Variants in SCUBE3 observed in about 807,000 individuals in gnomAD.
The protein encoded by SCUBE3 is signal peptide, CUB and EGF-like domain-containing protein 3.
A neutral mutation model predicts 116.8 loss-of-function variants in SCUBE3; 33 were observed. That is an observed-to-expected ratio of 0.28 (90% CI 0.21 to 0.38). SCUBE3 has a LOEUF of 0.38. SCUBE3 is among the 10% of genes least tolerant of loss of function. SCUBE3 has a pLI of 1.00. For missense variants in SCUBE3, 1,007 were observed against 1,324.8 expected, an observed-to-expected ratio of 0.76 and a Z score of 3.72; for synonymous variants, 418 against 496.9, an observed-to-expected ratio of 0.84 and a Z score of 2.11.
chr6:35,246,760 GAGGTC>G (rs1321851026), intron 21 of SCUBE3, among the ~76,000 whole-genome samples: 1 of 152,192 alleles, frequency 6.6e-6, no homozygotes, highest in Admixed American at 6.5e-5. Flanking sequence ...TGGATCACAT[GAGGTC>G]AGGAGTTTGA....
chr6:35,244,004 C>G lies in SCUBE3; in HGVS notation c.2113C>G (p.Pro705Ala). The G allele has an allele frequency of 6.2e-7, 1 of 1,614,126 alleles. No homozygotes were observed. Among genetic ancestry groups the G allele is most frequent in the South Asian group, 1.1e-5 (1 of 91,084 alleles). The change falls in exon 17 of 22, where the codon CCC becomes GCC. Residue 705 changes from proline (P) to alanine (A), a missense_variant. Physicochemically the swap from Pro to Ala is conservative, Grantham distance 27. Coordinates refer to ENST00000274938, the MANE Select transcript of SCUBE3 (RefSeq NM_152753.4). This position sits in a 1 kb window ranked among gnomAD's most constrained non-coding sequence, Gnocchi z 4.3. The stretch of plus-strand genomic sequence containing the variant: ...CCAACACTCTGTAGATGGGTTCAAG[C>G]CCTGTCAGCCATGCCCACGTGGCAC... Reference protein sequence around the residue: ...PGQHSVDGFKPCQPCPRGTYQ... With the variant: ...PGQHSVDGFKACQPCPRGTYQ...
Position 35,248,887 on chromosome 6 carries a change from T to A in SCUBE3, c.*182T>A. On this transcript the variant is annotated 3_prime_UTR_variant, in exon 22 of 22. Transcript: ENST00000274938. ...TTCTAGTTTCCTTTCCTTGTCTCTC[T>A]CTGCCTGCCTCTCTACTGTTCCCCC... 1.7e-6 allele frequency: 1 copy of A among 600,486 alleles called. No individual in the cohort carries two copies. Among genetic ancestry groups the A allele is most frequent in the Admixed American group, 3.0e-5 (1 of 33,494 alleles). 37.2% of individuals were successfully genotyped at this position (600,486 alleles called of 1,614,324 possible).
intron 21 of SCUBE3, 88 bp from the exon 22 acceptor site, chr6:35,248,468 A>G: frequency 8.0e-7 from 1 of 1,249,322 alleles, no homozygotes; most frequent in Non-Finnish European, 1.2e-6. Context: ...GATGCCTAGT[A>G]GACATCAAGA....
rs1336054618 is a variant in SCUBE3, at chr6:35,246,248, G to A, written c.2795G>A (p.Arg932Gln). ...GTAGAAGACATTGTGCGAGATGGCC[G>A]GCTCTATGCCTCTGAAAACCACCAG... Reference protein sequence around the residue: ...QLVEDIVRDGRLYASENHQEI... With the variant: ...QLVEDIVRDGQLYASENHQEI... The change falls in exon 21 of 22, where the codon CGG (arginine) becomes CAG (glutamine). Residue 932 changes from arginine (R) to glutamine (Q), a missense_variant. Transcript: ENST00000274938. The A allele has an allele frequency of 3.1e-6, 5 of 1,613,862 alleles. No homozygotes were observed. The highest frequency in any genetic ancestry group is 2.2e-5 in the East Asian group (1 of 44,892).
rs1782811180 is a variant in SCUBE3, at chr6:35,214,560, C to A, written c.85+57C>A. 6 of 1,160,150 alleles carry A rather than the reference C, an allele frequency of 5.2e-6. No homozygotes were observed. The highest frequency in any genetic ancestry group is 1.2e-6 in the Non-Finnish European group (1 of 866,760). 71.9% of individuals were successfully genotyped at this position (1,160,150 alleles called of 1,614,324 possible). A position where few individuals can be genotyped will look rare whatever the true frequency, so the allele number is the denominator to read the frequency against. The stretch of plus-strand genomic sequence containing the variant: ...TGTCCTGGCTGCTGGGCCTCAGGGC[C>A]TAGGAGCGATTCCCGAGGGGCAGGG... On this transcript the variant is annotated intron_variant, in intron 1 of 21. Coordinates refer to ENST00000274938, the MANE Select transcript of SCUBE3 (RefSeq NM_152753.4). This position sits in a 1 kb window ranked among gnomAD's most constrained non-coding sequence, Gnocchi z 6.3.
rs1243030989 is a variant in SCUBE3 at position 35,214,330 on chromosome 6, C to T, written c.-89C>T. ...CCCCGGCGGGGCGCCCCCTCCCCTCCCCCTCCTGCGAGCTGGGATCCGGCC... is the reference window on the plus strand; with the variant it reads ...CCCCGGCGGGGCGCCCCCTCCCCTCTCCCTCCTGCGAGCTGGGATCCGGCC... On this transcript the variant is annotated 5_prime_UTR_variant, in exon 1 of 22. Transcript: ENST00000274938. The surrounding 1 kb of genome is among the most constrained non-coding windows in gnomAD (Gnocchi z 6.3). 1.0e-5 allele frequency: 8 copies of T among 775,368 alleles called. No homozygotes were observed. Among genetic ancestry groups the T allele is most frequent in the Non-Finnish European group, 1.4e-5 (8 of 559,274 alleles). 48.0% of individuals were successfully genotyped at this position (775,368 alleles called of 1,614,324 possible). A position where few individuals can be genotyped will look rare whatever the true frequency, so the allele number is the denominator to read the frequency against.
chr6:35,248,049 T>G (rs906661445), intron 21 of SCUBE3, among the ~76,000 whole-genome samples: 1 of 152,184 alleles, frequency 6.6e-6, no homozygotes, highest in Non-Finnish European at 1.5e-5. Flanking sequence ...AAGATACAGA[T>G]CACATTCTGC....
rs1218872217 is a variant in SCUBE3 at position 35,241,942 on chromosome 6, C to T, written c.1417+32C>T. 3 of 1,404,482 alleles carry T rather than the reference C, an allele frequency of 2.1e-6. No homozygotes were observed. Among genetic ancestry groups the T allele is most frequent in the South Asian group, 1.1e-5 (1 of 87,100 alleles). The allele number at this position is 1,404,482 out of a possible 1,614,324, so 87.0% of individuals were successfully genotyped here. On this transcript the variant is annotated intron_variant, in intron 12 of 21. Coordinates refer to ENST00000274938, the MANE Select transcript of SCUBE3 (RefSeq NM_152753.4). This position sits in a 1 kb window ranked among gnomAD's most constrained non-coding sequence, Gnocchi z 4.1. Reference sequence around the variant, plus strand: ...ACCAGCCCAGAAGCCCTGTTCCCACCCTACTCTCTTACATTAATCCCTTAT... The same window carrying T: ...ACCAGCCCAGAAGCCCTGTTCCCACTCTACTCTCTTACATTAATCCCTTAT...
chr6:35,243,776 A>G lies in SCUBE3; in HGVS notation c.2071+21A>G. The G allele has an allele frequency of 6.3e-7, 1 of 1,577,370 alleles. No homozygotes were observed. The highest frequency in any genetic ancestry group is 8.7e-7 in the Non-Finnish European group (1 of 1,147,090). ...TGCAGGTGCCAGGGGAACAAACAAT[A>G]CAGAGTGGGGTAGGGTGGGCACTGG... is the stretch of plus-strand genomic sequence containing the variant. On this transcript the variant is annotated intron_variant, in intron 16 of 21. Transcript: ENST00000274938. The surrounding 1 kb of genome is among the most constrained non-coding windows in gnomAD (Gnocchi z 6.6).
rs780600686 is a variant in SCUBE3 at position 35,213,970 on chromosome 6, AAGAG to A, written c.-446_-443del. Reference sequence around the variant, plus strand: ...ACGGAGAAAGAGCGAGAGAGGAAGAAAGAGAGGCAGAAAGGGCGTGTTTCTGGCG... The same window carrying A: ...ACGGAGAAAGAGCGAGAGAGGAAGAAAGGCAGAAAGGGCGTGTTTCTGGCG... On this transcript the variant is annotated 5_prime_UTR_variant, in exon 1 of 22. Coordinates refer to ENST00000274938, the MANE Select transcript of SCUBE3 (RefSeq NM_152753.4). The surrounding 1 kb of genome is among the most constrained non-coding windows in gnomAD (Gnocchi z 4.5). 1.4e-4 allele frequency among the ~76,000 whole-genome samples: 21 copies of A among 152,090 alleles called. No homozygotes were observed. Among genetic ancestry groups the A allele is most frequent in the Admixed American group, 2.6e-4 (4 of 15,290 alleles).
chr6:35,225,458 C>T (rs1184243272), intron 1 of SCUBE3, among the ~76,000 whole-genome samples: 2 of 152,236 alleles, frequency 1.3e-5, no homozygotes, highest in Admixed American at 1.3e-4. Flanking sequence ...GTCTTCCATG[C>T]CCTCTCTTTT....
At chr6:35,236,167 C>T (rs1307954823) in intron 6 of SCUBE3, among the ~76,000 whole-genome samples, 1 of 152,216 alleles carries the variant, frequency 6.6e-6, no homozygotes, top group Non-Finnish European at 1.5e-5. Flanking sequence ...CTGGCAAGTG[C>T]CTGGCACAGC....
rs1783613191 is a variant in SCUBE3 at position 35,232,974 on chromosome 6, A to C, written c.594A>C (p.Lys198Asn). The C allele has an allele frequency of 6.2e-7, 1 of 1,613,856 alleles. No homozygotes were observed. Among genetic ancestry groups the C allele is most frequent in the South Asian group, 1.1e-5 (1 of 91,082 alleles). ...TTACCAAGAACCAACGGGACTGTAAATGTGAGATAATTGGGATGGCAGGTG... is the reference window on the plus strand; with the variant it reads ...TTACCAAGAACCAACGGGACTGTAACTGTGAGATAATTGGGATGGCAGGTG... ...FELTKNQRDCKLTCNYGNGGC... is the reference protein window; with the variant it reads ...FELTKNQRDCNLTCNYGNGGC... Residue 198 changes from lysine to asparagine, a missense_variant and splice_region_variant, in exon 5 of 22, where the codon AAA becomes AAC. Around this residue, in one of 5 missense-constraint regions of SCUBE3, gnomAD observed 214 missense variants for 316.7 expected, o/e 0.68. Transcript: ENST00000274938. The surrounding 1 kb of genome is among the most constrained non-coding windows in gnomAD (Gnocchi z 4.2).
Position 35,228,724 on chromosome 6 carries a change from G to A in SCUBE3, c.319G>A (p.Gly107Arg). Residue 107 changes from glycine (G) to arginine (R), a missense_variant, in exon 3 of 22, where the codon GGA becomes AGA. Physicochemically the swap from Gly to Arg is moderately radical, Grantham distance 125. This residue lies in a region of SCUBE3 where 37 missense variants were observed against 80.6 expected (regional missense o/e 0.46). Coordinates refer to ENST00000274938, the MANE Select transcript of SCUBE3 (RefSeq NM_152753.4). This position sits in a 1 kb window ranked among gnomAD's most constrained non-coding sequence, Gnocchi z 4.9. ...CYDGFHLAHD[G>R]HNCLDVDECA... is the part of the protein sequence containing the mutation. ...TGATGGATTCCACCTGGCACATGAC[G>A]GACACAACTGTCTGGGTAAGCAAAG... 1.2e-6 allele frequency: 2 copies of A among 1,614,058 alleles called. No homozygotes were observed. The highest frequency in any genetic ancestry group is 1.7e-6 in the Non-Finnish European group (2 of 1,179,952).
In SCUBE3 at chr6:35,241,164, C is replaced by T. The variant is rs564700451; in HGVS notation, c.1093C>T (p.Arg365Trp). 2.9e-5 allele frequency: 46 copies of T among 1,602,306 alleles called. No homozygotes were observed. The East Asian group carries it at 7.0e-4, about 24-fold the overall frequency. ...CGDVDECSINRGGCRFGCINT... is the reference protein window; with the variant it reads ...CGDVDECSINWGGCRFGCINT... ...AGATGTGGATGAATGCAGCATCAAC[C>T]GGGGAGGTTGCCGCTTTGGCTGCAT... is the stretch of plus-strand genomic sequence containing the variant. Residue 365 changes from arginine to tryptophan, a missense_variant, in exon 10 of 22, where the codon CGG (arginine) becomes TGG (tryptophan). Coordinates refer to ENST00000274938, the MANE Select transcript of SCUBE3 (RefSeq NM_152753.4). This position sits in a 1 kb window ranked among gnomAD's most constrained non-coding sequence, Gnocchi z 4.1.
rs2150298129 is a variant in SCUBE3, at chr6:35,231,873, C to G, written c.469+14C>G. On this transcript the variant is annotated intron_variant, in intron 4 of 21. Coordinates refer to ENST00000274938, the MANE Select transcript of SCUBE3 (RefSeq NM_152753.4). The surrounding 1 kb of genome is among the most constrained non-coding windows in gnomAD (Gnocchi z 4.2). ...AGCGGCCAGAAGGTCAGCCCATGACCTGGGATGGCCCCATCCCTGCCCTCC... is the reference window on the plus strand; with the variant it reads ...AGCGGCCAGAAGGTCAGCCCATGACGTGGGATGGCCCCATCCCTGCCCTCC... 2 of 1,598,836 alleles carry G rather than the reference C, an allele frequency of 1.3e-6. No homozygotes were observed. The highest frequency in any genetic ancestry group is 2.3e-5 in the East Asian group (1 of 44,414).
Position 35,242,500 on chromosome 6 carries a change from G to C in SCUBE3, c.1535-122G>C, listed in dbSNP as rs1031605461. 5 of 1,016,704 alleles carry C rather than the reference G, an allele frequency of 4.9e-6. No homozygotes were observed. The East Asian group carries it at 1.2e-4, about 24-fold the overall frequency. The allele number at this position is 1,016,704 out of a possible 1,614,324, so 63.0% of individuals were successfully genotyped here. On this transcript the variant is annotated intron_variant, in intron 13 of 21. Transcript: ENST00000274938. ...AATATTCCCCTCCACCAACTAATTAGGACCCTAGACTAAAACAGGATTGAG... is the reference window on the plus strand; with the variant it reads ...AATATTCCCCTCCACCAACTAATTACGACCCTAGACTAAAACAGGATTGAG...
chr6:35,248,128 A>G (rs1334304618), intron 21 of SCUBE3, among the ~76,000 whole-genome samples: 2 of 151,798 alleles, frequency 1.3e-5, no homozygotes, highest in Admixed American at 1.3e-4. Context: ...AAAAACACAA[A>G]AAGTCACTCT....
intron 6 of SCUBE3, 134 bp from the exon 7 acceptor site, chr6:35,237,768 T>G: frequency 1.6e-6 from 1 of 629,704 alleles, no homozygotes. Flanking sequence ...CTCCCTTGGC[T>G]TAATGCTCCT....
Sources: gnomAD v4.1 joint callset for allele counts (sites outside exome capture counted in the v4.1 genomes callset) on GRCh38, gnomAD v4.1.1 for gene constraint, gnomAD v4.1.1 regional missense constraint, Gnocchi (gnomAD v3.1) non-coding constraint, MANE v1.5 for transcripts, NCBI Gene and HGNC (gene_info 2026-07-23, HGNC 2026-07-21) for gene names.